PAK3: variants seen among roughly 807,000 people sequenced by gnomAD.
The protein encoded by PAK3 is serine/threonine-protein kinase PAK 3.
A neutral mutation model predicts 41.0 loss-of-function variants in PAK3; 4 were observed. That is an observed-to-expected ratio of 0.10 (90% CI 0.05 to 0.22). The LOEUF is 0.22. Ranked by LOEUF, PAK3 falls within the 10% of genes least tolerant of loss-of-function variation. PAK3 has a pLI of 1.00. For synonymous variants in PAK3, 146 were observed against 139.6 expected (o/e 1.05, Z -0.32); for missense variants, 205 against 409.9 (o/e 0.50, Z 4.32).
At position 111,194,279 on chromosome X, in the gene PAK3, G is replaced by GTCTTT. The variant is rs761206198; in HGVS notation, c.993-12_993-8dup. 1.9e-4 allele frequency: 176 copies of GTCTTT among 950,937 alleles called. No individual in the cohort carries two copies. In the African/African-American group the frequency reaches 3.0e-3, roughly 16 times the overall value. The allele number at this position is 950,937 out of a possible 1,213,427, so 78.4% of individuals were successfully genotyped here. Reference sequence around the variant, plus strand: ...AGGTTTTTTAGCGTCATAAGGCAAAGTCTTTTCTTTTCTTGTTATAGCTAC... The same window carrying GTCTTT: ...AGGTTTTTTAGCGTCATAAGGCAAAGTCTTTTCTTTTCTTTTCTTGTTATAGCTAC... On this transcript the variant is annotated intron_variant, in intron 13 of 17. Transcript: ENST00000372007.
chrX:111,155,515 A>C lies in PAK3; in HGVS notation c.468+3068A>C, dbSNP rs924891404. Among the ~76,000 whole-genome samples, 14 of 108,466 alleles carry C rather than the reference A, an allele frequency of 1.3e-4. No individual in the cohort carries two copies. The South Asian group carries it at 2.9e-3, about 22-fold the overall frequency. 94.2% of individuals were successfully genotyped at this position (108,466 alleles called of 115,157 possible). The stretch of plus-strand genomic sequence containing the variant: ...AACCCTGTCTCAAAAAAAAAAAAAA[A>C]CCCAACAATATGGATAGTATTACAT... On this transcript the variant is annotated intron_variant, in intron 8 of 17. Coordinates refer to ENST00000372007, the MANE Select transcript of PAK3 (RefSeq NM_002578.5).
At chrX:111,121,371 C>T (rs1189097150) in intron 4 of PAK3, among the ~76,000 whole-genome samples, 1 of 111,946 alleles carries the variant, frequency 8.9e-6, no homozygotes, top group Non-Finnish European at 1.9e-5. Flanking sequence ...ATCACCTGTG[C>T]AGATGGAGAA....
intron 1 of PAK3, among the ~76,000 whole-genome samples, chrX:111,083,147 T>A (rs2092849205): frequency 8.9e-6 from 1 of 112,815 alleles, no homozygotes; most frequent in African/African-American, 3.2e-5. Flanking sequence ...ACCCTAGGTC[T>A]GGGATTATTA....
At chrX:110,972,132 C>CTATA (rs1556417310) in intron 1 of PAK3, among the ~76,000 whole-genome samples, 1 of 109,554 alleles carries the variant, frequency 9.1e-6, no homozygotes, top group Non-Finnish European at 1.9e-5. Context: ...ATCTCTCTCT[C>CTATA]TATATATGTA....
At position 111,157,616 on chromosome X, in the gene PAK3, C is replaced by A. The variant is rs1037412810; in HGVS notation, c.468+5169C>A. Among the ~76,000 whole-genome samples the A allele has an allele frequency of 1.5e-4, 16 of 110,038 alleles. No individual in the cohort carries two copies. In the South Asian group the frequency reaches 2.0e-3, roughly 14 times the overall value. On this transcript the variant is annotated intron_variant, in intron 8 of 17. Transcript: ENST00000372007. The stretch of plus-strand genomic sequence containing the variant: ...GACCAGCCTGACCAACGTGGAGAAA[C>A]CCCATCTCTACTAATACAAAATTAG...
chrX:111,195,376 T>C (rs894538683), intron 14 of PAK3, among the ~76,000 whole-genome samples: 11 of 112,151 alleles, frequency 9.8e-5, no homozygotes, highest in Non-Finnish European at 1.7e-4. Flanking sequence ...AGTTACTTCA[T>C]AGCCTAGGAG....
intron 4 of PAK3, among the ~76,000 whole-genome samples, chrX:111,115,325 G>C (rs1183734511): frequency 8.9e-6 from 1 of 112,038 alleles, no homozygotes; most frequent in Admixed American, 9.5e-5. Flanking sequence ...AATTTCTAAA[G>C]AGACTGCTTT....
In PAK3 at chrX:111,152,433, G is replaced by A; in HGVS notation, c.454G>A (p.Ala152Thr). The A allele has an allele frequency of 8.5e-7, 1 of 1,177,123 alleles. No individual in the cohort carries two copies. The highest frequency in any genetic ancestry group is 1.8e-5 in the South Asian group (1 of 56,141). The change falls in exon 8 of 18, where the codon GCA becomes ACA. Residue 152 changes from alanine to threonine, a missense_variant. By Grantham distance (58) the Ala-to-Thr change is moderately conservative. Transcript: ENST00000372007. ...SGDKSAHGYI[A>T]AHPSSTKTAS... ...AGATAAAAGTGCACATGGATACATA[G>A]CAGCCCATCCTTCGGTAAGTGAAAA...
chrX:111,108,227 G>T (rs877509), intron 4 of PAK3, among the ~76,000 whole-genome samples: 4,732 of 112,088 alleles, frequency 0.042, 140 homozygotes, highest in African/African-American at 0.094. Flanking sequence ...CTTGTAGATA[G>T]CTTGCTTAGC....
At position 110,946,490 on chromosome X, in the gene PAK3, G is replaced by A. The variant is rs374426029; in HGVS notation, c.-28+1862G>A. ...GATATATGTAAATGTGAGATTCCAA[G>A]GCAAATGAACTAAATGGACAATATT... is the stretch of plus-strand genomic sequence containing the variant. On this transcript the variant is annotated intron_variant, in intron 1 of 14. Transcript: ENST00000425146. Among the ~76,000 whole-genome samples, 595 of 112,247 alleles carry A rather than the reference G, an allele frequency of 5.3e-3. 6 individuals are homozygous for A. Among genetic ancestry groups the A allele is most frequent in the African/African-American group, 0.018 (566 of 30,928 alleles).
At chrX:111,149,515 T>C (rs1313395777) in intron 7 of PAK3, among the ~76,000 whole-genome samples, 1 of 112,294 alleles carries the variant, frequency 8.9e-6, no homozygotes, top group Non-Finnish European at 1.9e-5. Flanking sequence ...TCCAGGCATT[T>C]CCATACATCT....
intron 1 of PAK3, among the ~76,000 whole-genome samples, chrX:111,003,328 T>C (rs1392661102): frequency 2.7e-5 from 3 of 111,675 alleles, no homozygotes; most frequent in African/African-American, 9.8e-5. Flanking sequence ...GCTCAGCAGT[T>C]CGCTAGAGAC....
intron 1 of PAK3, among the ~76,000 whole-genome samples, chrX:111,001,097 GT>G (rs2091840264): frequency 1.8e-5 from 2 of 112,236 alleles, no homozygotes; most frequent in Admixed American, 1.9e-4. Context: ...TGCCTGCCCA[GT>G]TTAAAGAACC....
At chrX:110,999,421 G>T (rs1214593859) in intron 1 of PAK3, among the ~76,000 whole-genome samples, 1 of 111,391 alleles carries the variant, frequency 9.0e-6, no homozygotes, top group Admixed American at 9.6e-5. Context: ...TTGCTAGAAA[G>T]ATGGCATGGC....
At chrX:111,122,033 T>G (rs1485494150) in intron 4 of PAK3, among the ~76,000 whole-genome samples, 1 of 109,138 alleles carries the variant, frequency 9.2e-6, no homozygotes, top group Non-Finnish European at 1.9e-5. Context: ...GGCAGGTGGA[T>G]CATGAGGTCA....
chrX:111,155,280 C>T (rs1404134718), intron 8 of PAK3, among the ~76,000 whole-genome samples: 3 of 109,674 alleles, frequency 2.7e-5, no homozygotes, highest in Non-Finnish European at 5.7e-5. Flanking sequence ...GTGGGCAGAT[C>T]GCTTGAGCCT....
intron 1 of PAK3, among the ~76,000 whole-genome samples, chrX:110,945,810 T>C (rs937441425): frequency 1.8e-5 from 2 of 111,772 alleles, no homozygotes; most frequent in African/African-American, 6.5e-5. Context: ...TCAATAAAAA[T>C]GAACAAAACT....
chrX:111,137,879 C>A (rs1247953112), intron 5 of PAK3, among the ~76,000 whole-genome samples: 1 of 111,442 alleles, frequency 9.0e-6, no homozygotes. Flanking sequence ...AAATATCAAC[C>A]CAGATAGCTG....
chrX:111,210,701 T>A (rs1370800917), intron 16 of PAK3, among the ~76,000 whole-genome samples: 2 of 112,202 alleles, frequency 1.8e-5, no homozygotes, highest in Non-Finnish European at 3.8e-5. Flanking sequence ...CACAGTTGGT[T>A]ATAACACAGC....
Sources: gnomAD v4.1 joint callset for allele counts (sites outside exome capture counted in the v4.1 genomes callset) on GRCh38, gnomAD v4.1.1 for gene constraint, MANE v1.5 for transcripts, NCBI Gene and HGNC (gene_info 2026-07-23, HGNC 2026-07-21) for gene names.